SEPTIN6: variants seen among roughly 807,000 people sequenced by gnomAD.
SEPTIN6 encodes the protein septin 6, also known as septin-6.
In SEPTIN6, 8 loss-of-function variants were observed where a neutral mutation model predicts 33.6. The ratio of observed to expected loss-of-function variants is 0.24; its 90% confidence interval spans 0.14 to 0.43. The LOEUF is 0.43. Ranked by LOEUF, SEPTIN6 falls within the 20% of genes least tolerant of loss-of-function variation. The pLI is 1.00. For synonymous variants in SEPTIN6, 131 were observed against 140.0 expected (o/e 0.94, Z 0.45); for missense variants, 250 against 340.8 (o/e 0.73, Z 2.10).
In SEPTIN6 at chrX:119,663,341, G is replaced by A. The variant is rs1603344197; in HGVS notation, c.341+141C>T. 3 of 487,077 alleles carry A rather than the reference G, an allele frequency of 6.2e-6. No individual in the cohort carries two copies. In the East Asian group the frequency reaches 1.1e-4, roughly 17 times the overall value. 40.1% of individuals were successfully genotyped at this position (487,077 alleles called of 1,213,427 possible). A position where few individuals can be genotyped will look rare whatever the true frequency, so the allele number is the denominator to read the frequency against. On this transcript the variant is annotated intron_variant, in intron 3 of 10. Coordinates refer to ENST00000394610, the MANE Select transcript of SEPTIN6 (RefSeq NM_145799.4). ...ACCAGACAGGGCCTATGCTTGGGAG[G>A]TACCTGCTGCTGCCCACACCATTCT...
In SEPTIN6 at chrX:119,617,599, C is replaced by G. The variant is rs756864853; in HGVS notation, c.*2494G>C. Reference sequence around the variant, plus strand: ...AAAAAACCTCGAGGGTCTTCTAATACTAACTAGTCAGTTACTCTGAACATC... The same window carrying G: ...AAAAAACCTCGAGGGTCTTCTAATAGTAACTAGTCAGTTACTCTGAACATC... On this transcript the variant is annotated 3_prime_UTR_variant, in exon 11 of 11. Coordinates refer to ENST00000394610, the MANE Select transcript of SEPTIN6 (RefSeq NM_145799.4). 2.2e-5 allele frequency: 18 copies of G among 802,433 alleles called. No homozygotes were observed. The highest frequency in any genetic ancestry group is 2.7e-5 in the Non-Finnish European group (18 of 668,382). The allele number at this position is 802,433 out of a possible 1,213,427, so 66.1% of individuals were successfully genotyped here. A position where few individuals can be genotyped will look rare whatever the true frequency, so the allele number is the denominator to read the frequency against.
intron 3 of SEPTIN6, among the ~76,000 whole-genome samples, chrX:119,663,274 T>C (rs907791689): frequency 4.5e-5 from 5 of 111,417 alleles, no homozygotes; most frequent in Non-Finnish European, 7.5e-5. Flanking sequence ...ACCCTTCTTT[T>C]GGCAAAGTGA....
In SEPTIN6 at chrX:119,663,560, A is replaced by G; in HGVS notation, c.263T>C (p.Leu88Pro). ...CTTTAGCCTCACGTTGCTCTCTTGGAGGTCATAGGTATTAGACTGGAGCTG... is the reference window on the plus strand; with the variant it reads ...CTTTAGCCTCACGTTGCTCTCTTGGGGGTCATAGGTATTAGACTGGAGCTG... ...GVQLQSNTYD[L>P]QESNVRLKLT... The change falls in exon 3 of 11, where the codon CTC (leucine) becomes CCC (proline). Residue 88 changes from leucine to proline, a missense_variant. This residue lies in a region of SEPTIN6 where 111 missense variants were observed against 113.8 expected (regional missense o/e 0.98). Transcript: ENST00000394610. The G allele has an allele frequency of 1.7e-6, 2 of 1,200,786 alleles. No homozygotes were observed. Among genetic ancestry groups the G allele is most frequent in the Non-Finnish European group, 2.2e-6 (2 of 890,123 alleles).
In SEPTIN6 at chrX:119,687,400, G is replaced by A. The variant is rs11260196; in HGVS notation, c.30+5676C>T. ...AGAGTAGCTGGGACTACAGGCACCCGCCACCACGCCCGGCTAATTTTTTAA... is the reference window on the plus strand; with the variant it reads ...AGAGTAGCTGGGACTACAGGCACCCACCACCACGCCCGGCTAATTTTTTAA... On this transcript the variant is annotated intron_variant, in intron 1 of 10. Transcript: ENST00000394610. Among the ~76,000 whole-genome samples the A allele has an allele frequency of 6.5e-3, 714 of 109,582 alleles. 2 individuals carry two copies. Among genetic ancestry groups the A allele is most frequent in the Non-Finnish European group, 0.01 (546 of 52,595 alleles).
At chrX:119,641,737 T>C (rs1445201777) in intron 5 of SEPTIN6, among the ~76,000 whole-genome samples, 12 of 112,081 alleles carry the variant, frequency 1.1e-4, no homozygotes, top group African/African-American at 3.9e-4. Flanking sequence ...AGAGCCGTAA[T>C]CCACAAGGAG....
intron 3 of SEPTIN6, among the ~76,000 whole-genome samples, chrX:119,661,974 G>C (rs1022487615): frequency 8.9e-6 from 1 of 112,169 alleles, no homozygotes; most frequent in Admixed American, 9.4e-5. Flanking sequence ...CTGACTTCAA[G>C]TGATCTGCCC....
intron 1 of SEPTIN6, among the ~76,000 whole-genome samples, chrX:119,682,215 G>A (rs993265958): frequency 4.5e-5 from 5 of 111,558 alleles, no homozygotes; most frequent in Admixed American, 9.6e-5. Flanking sequence ...AGGGGAGGGG[G>A]ATGGAAATAG....
At chrX:119,650,215 G>C (rs2054329413) in intron 4 of SEPTIN6, 117 bp from the exon 5 acceptor site, 1 of 653,470 alleles carries the variant, frequency 1.5e-6, no homozygotes, top group Admixed American at 2.7e-5. Flanking sequence ...GTCAAAGACT[G>C]GCCACTTCTG....
intron 5 of SEPTIN6, among the ~76,000 whole-genome samples, chrX:119,648,738 G>A (rs2054306512): frequency 8.9e-6 from 1 of 111,896 alleles, no homozygotes; most frequent in Non-Finnish European, 1.9e-5. Context: ...AGCTGAAGTT[G>A]TAATGATAAC....
At chrX:119,623,551 C>T (rs1333453618) in intron 10 of SEPTIN6, among the ~76,000 whole-genome samples, 3 of 111,937 alleles carry the variant, frequency 2.7e-5, no homozygotes, top group Non-Finnish European at 5.6e-5. Context: ...ATAATAATAA[C>T]CCTTCATCGG....
chrX:119,665,229 A>C (rs2054617503), intron 2 of SEPTIN6, among the ~76,000 whole-genome samples: 1 of 107,295 alleles, frequency 9.3e-6, no homozygotes, highest in South Asian at 4.1e-4. Context: ...TCAGTCTCCC[A>C]GGTAGCTGGG....
chrX:119,638,937 A>G (rs1338491610), intron 6 of SEPTIN6, among the ~76,000 whole-genome samples: 1 of 112,260 alleles, frequency 8.9e-6, no homozygotes, highest in Non-Finnish European at 1.9e-5. Context: ...TCCACATCAG[A>G]TGAAATAAGT....
intron 3 of SEPTIN6, among the ~76,000 whole-genome samples, chrX:119,655,040 A>T (rs1347792534): frequency 1.8e-5 from 2 of 109,227 alleles, no homozygotes; most frequent in African/African-American, 3.4e-5. Flanking sequence ...ATTTTTTTTT[A>T]CTTCATTTTT....
chrX:119,690,299 T>C (rs1350300735), intron 1 of SEPTIN6, among the ~76,000 whole-genome samples: 2 of 107,395 alleles, frequency 1.9e-5, no homozygotes, highest in Non-Finnish European at 3.8e-5. Context: ...TTACCCACAG[T>C]GACTCTCAAC....
In SEPTIN6 at chrX:119,619,548, G is replaced by T; in HGVS notation, c.*545C>A. The T allele has an allele frequency of 1.2e-6, 1 of 819,023 alleles. No homozygotes were observed. Among genetic ancestry groups the T allele is most frequent in the Non-Finnish European group, 1.5e-6 (1 of 679,531 alleles). The allele number at this position is 819,023 out of a possible 1,213,427, so 67.5% of individuals were successfully genotyped here. A position where few individuals can be genotyped will look rare whatever the true frequency, so the allele number is the denominator to read the frequency against. On this transcript the variant is annotated 3_prime_UTR_variant, in exon 11 of 11. Transcript: ENST00000394610. Reference sequence around the variant, plus strand: ...TTAGAAGGAAAAGGCGCCAAAGGCTGTCCTTTTGAAACCCTCTAAGAAATG... The same window carrying T: ...TTAGAAGGAAAAGGCGCCAAAGGCTTTCCTTTTGAAACCCTCTAAGAAATG...
chrX:119,617,849 C>T lies in SEPTIN6; in HGVS notation c.*2244G>A. ...ATGTCTCCCTTAATATAAAACTCCT[C>T]CTTAGTTTCTGAAGGTCTCTCCAAG... is the stretch of plus-strand genomic sequence containing the variant. On this transcript the variant is annotated 3_prime_UTR_variant, in exon 11 of 11. Transcript: ENST00000394610. 1 of 801,013 alleles carries T rather than the reference C, an allele frequency of 1.2e-6. No individual in the cohort carries two copies. 66.0% of individuals were successfully genotyped at this position (801,013 alleles called of 1,213,427 possible). A position where few individuals can be genotyped will look rare whatever the true frequency, so the allele number is the denominator to read the frequency against.
At position 119,617,943 on chromosome X, in the gene SEPTIN6, A is replaced by G. The variant is rs894503351; in HGVS notation, c.*2150T>C. 2.5e-6 allele frequency: 2 copies of G among 804,037 alleles called. No individual in the cohort carries two copies. Among genetic ancestry groups the G allele is most frequent in the East Asian group, 7.1e-5 (1 of 14,053 alleles). 66.3% of individuals were successfully genotyped at this position (804,037 alleles called of 1,213,427 possible). ...GCCTTAACTAGTTAATCTGTACACA[A>G]ATGCAAATGAGGGCGCCTCCGGTTT... is the stretch of plus-strand genomic sequence containing the variant. On this transcript the variant is annotated 3_prime_UTR_variant, in exon 11 of 11. Coordinates refer to ENST00000394610, the MANE Select transcript of SEPTIN6 (RefSeq NM_145799.4).
chrX:119,619,828 G>A lies in SEPTIN6; in HGVS notation c.*265C>T. On this transcript the variant is annotated 3_prime_UTR_variant, in exon 11 of 11. Coordinates refer to ENST00000394610, the MANE Select transcript of SEPTIN6 (RefSeq NM_145799.4). ...GGGGGGATGGCTGGGGGTGCTGGGAGGGGGACTGGGATGCAGGATGCATCT... is the reference window on the plus strand; with the variant it reads ...GGGGGGATGGCTGGGGGTGCTGGGAAGGGGACTGGGATGCAGGATGCATCT... 5 of 1,051,482 alleles carry A rather than the reference G, an allele frequency of 4.8e-6. No homozygotes were observed. Among genetic ancestry groups the A allele is most frequent in the South Asian group, 5.6e-5 (2 of 35,422 alleles). The allele number at this position is 1,051,482 out of a possible 1,213,427, so 86.7% of individuals were successfully genotyped here.
At chrX:119,640,635 CAAAG>C in intron 6 of SEPTIN6, 53 bp downstream of exon 6, 3 of 974,115 alleles carry the variant, frequency 3.1e-6, no homozygotes, top group South Asian at 4.0e-5. Flanking sequence ...TGGGGACAAA[CAAAG>C]AGACAGACAA....
Sources: gnomAD v4.1 joint callset for allele counts (sites outside exome capture counted in the v4.1 genomes callset) on GRCh38, gnomAD v4.1.1 for gene constraint, gnomAD v4.1.1 regional missense constraint, MANE v1.5 for transcripts, NCBI Gene and HGNC (gene_info 2026-07-23, HGNC 2026-07-21) for gene names.